Variants in MYO1D observed in about 807,000 individuals in gnomAD.
The protein encoded by MYO1D is myosin ID.
A neutral mutation model predicts 122.0 loss-of-function variants in MYO1D; 83 were observed. That is an observed-to-expected ratio of 0.68 (90% CI 0.57 to 0.82). The LOEUF is 0.82. Among genes scored for constraint, MYO1D ranks in the 40% least tolerant of loss-of-function variants. The probability of loss-of-function intolerance (pLI) is 0.00; values close to 1 mark genes in which losing one functional copy is unlikely to be tolerated. For missense variants in MYO1D, 1,157 were observed against 1,269.5 expected (o/e 0.91, Z 1.35); for synonymous variants, 464 against 446.9 (o/e 1.04, Z -0.48).
intron 1 of MYO1D, among the ~76,000 whole-genome samples, chr17:32,800,643 T>C (rs1365423026): frequency 5.9e-5 from 9 of 152,178 alleles, no homozygotes; most frequent in Non-Finnish European, 8.8e-5. Flanking sequence ...TGACTACAGT[T>C]AATAATAATG....
intron 21 of MYO1D, among the ~76,000 whole-genome samples, chr17:32,576,441 A>C (rs1423534005): frequency 6.6e-6 from 1 of 152,224 alleles, no homozygotes; most frequent in East Asian, 1.9e-4. Context: ...AGGTTTTTAA[A>C]GCAGTACAAA....
intron 1 of MYO1D, among the ~76,000 whole-genome samples, chr17:32,874,002 T>C (rs186278741): frequency 3.7e-4 from 56 of 152,260 alleles, no homozygotes; most frequent in African/African-American, 1.3e-3. Flanking sequence ...CAGAGTCAGC[T>C]TTCATGCCGC....
chr17:32,707,303 A>G (rs11867826), intron 16 of MYO1D, among the ~76,000 whole-genome samples: 159 of 152,234 alleles, frequency 1.0e-3, no homozygotes, highest in Non-Finnish European at 1.8e-3. Context: ...GAAATTAAAA[A>G]ATGTAGAAAT....
intron 21 of MYO1D, among the ~76,000 whole-genome samples, chr17:32,604,145 T>G (rs1006818414): frequency 1.3e-5 from 2 of 151,960 alleles, no homozygotes; most frequent in African/African-American, 4.8e-5. Context: ...GACATCTGAT[T>G]CCAAATATGT....
intron 21 of MYO1D, among the ~76,000 whole-genome samples, chr17:32,519,569 G>A (rs966959616): frequency 1.3e-5 from 2 of 151,808 alleles, no homozygotes; most frequent in Non-Finnish European, 2.9e-5. Context: ...GCCGCTGCCC[G>A]AGCCCGAGCG....
chr17:32,512,324 T>C (rs73274263), intron 21 of MYO1D, among the ~76,000 whole-genome samples: 5,599 of 149,264 alleles, frequency 0.038, 334 homozygotes, highest in African/African-American at 0.13. Flanking sequence ...AAAAGAGCCA[T>C]CATGAAACAT....
Position 32,767,626 on chromosome 17 carries a change from C to T in MYO1D, c.831+10G>A, listed in dbSNP as rs1413803521. ...GAAGACAATACATTCTGAGAGGTGT[C>T]CCTACTCACCAAGTGCAGAATAGCA... On this transcript the variant is annotated intron_variant, in intron 7 of 21. Transcript: ENST00000318217. 1.9e-6 allele frequency: 3 copies of T among 1,540,694 alleles called. No individual in the cohort carries two copies. The highest frequency in any genetic ancestry group is 1.4e-5 in the African/African-American group (1 of 73,410).
At chr17:32,755,398 T>C in intron 11 of MYO1D, 94 bp downstream of exon 11, 2 of 1,303,772 alleles carry the variant, frequency 1.5e-6, no homozygotes, top group South Asian at 1.5e-5. Context: ...AAAGGGGACA[T>C]TCTTTTATCC....
At chr17:32,776,136 A>C in intron 3 of MYO1D, 107 bp from the exon 4 acceptor site, 1 of 908,486 alleles carries the variant, frequency 1.1e-6, no homozygotes, top group Non-Finnish European at 1.6e-6. Flanking sequence ...AAAGATGCTA[A>C]CTCCAGCACT....
At chr17:32,571,252 C>G (rs142644604) in intron 21 of MYO1D, among the ~76,000 whole-genome samples, 1 of 152,044 alleles carries the variant, frequency 6.6e-6, no homozygotes, top group Non-Finnish European at 1.5e-5. Flanking sequence ...AGCAGGCAAA[C>G]GAACGGGTAA....
At chr17:32,496,130 A>C (rs1909099637) in intron 21 of MYO1D, 1 of 152,298 alleles carries the variant, frequency 6.6e-6, no homozygotes, top group African/African-American at 2.4e-5. Context: ...CGGGAGGCGC[A>C]ACTGCTCAGA....
chr17:32,839,454 C>A (rs1250288798), intron 1 of MYO1D, among the ~76,000 whole-genome samples: 2 of 152,144 alleles, frequency 1.3e-5, no homozygotes. Flanking sequence ...TAAATTGGGC[C>A]AGACTAAGTT....
At chr17:32,552,138 T>TA (rs1449063660) in intron 21 of MYO1D, among the ~76,000 whole-genome samples, 1 of 152,230 alleles carries the variant, frequency 6.6e-6, no homozygotes, top group African/African-American at 2.4e-5. Context: ...GGCATTGGCG[T>TA]AATCATGGCT....
intron 16 of MYO1D, among the ~76,000 whole-genome samples, chr17:32,700,943 C>CA (rs751113475): frequency 0.24 from 18,561 of 77,628 alleles, 1,649 homozygotes; most frequent in South Asian, 0.38. Context: ...GACTCCATCT[C>CA]AAAAAAAAAA....
chr17:32,623,122 A>G (rs1379988083), intron 20 of MYO1D, among the ~76,000 whole-genome samples: 1 of 152,260 alleles, frequency 6.6e-6, no homozygotes, highest in Non-Finnish European at 1.5e-5. Flanking sequence ...GAGCCAAAGT[A>G]GTAGTTCAGC....
At chr17:32,756,831 C>A (rs1381070633) in intron 10 of MYO1D, among the ~76,000 whole-genome samples, 1 of 152,114 alleles carries the variant, frequency 6.6e-6, no homozygotes, top group African/African-American at 2.4e-5. Flanking sequence ...TAAATAACTT[C>A]TGGCTTTTCA....
At chr17:32,526,602 CTTCT>C (rs1910350179) in intron 21 of MYO1D, among the ~76,000 whole-genome samples, 1 of 124,722 alleles carries the variant, frequency 8.0e-6, no homozygotes, top group East Asian at 2.0e-4. Context: ...TTCATAAAGC[CTTCT>C]TTTTTTTTTT....
intron 16 of MYO1D, among the ~76,000 whole-genome samples, chr17:32,679,068 T>G (rs1255687829): frequency 6.6e-6 from 1 of 151,840 alleles, no homozygotes; most frequent in Non-Finnish European, 1.5e-5. Context: ...TTTTGAGAAG[T>G]GTCTGTTCAT....
At chr17:32,798,453 C>T (rs1289272380) in intron 1 of MYO1D, among the ~76,000 whole-genome samples, 1 of 152,090 alleles carries the variant, frequency 6.6e-6, no homozygotes, top group Non-Finnish European at 1.5e-5. Context: ...TCTAAGATAG[C>T]GTAAGTGGTT....
Sources: gnomAD v4.1 joint callset for allele counts (sites outside exome capture counted in the v4.1 genomes callset) on GRCh38, gnomAD v4.1.1 for gene constraint, MANE v1.5 for transcripts, NCBI Gene and HGNC (gene_info 2026-07-23, HGNC 2026-07-21) for gene names.